SLC1A3: variants seen among roughly 807,000 people sequenced by gnomAD.
SLC1A3 encodes the protein solute carrier family 1 member 3.
A neutral mutation model predicts 48.1 loss-of-function variants in SLC1A3; 21 were observed. That is an observed-to-expected ratio of 0.44 (90% CI 0.31 to 0.63). The LOEUF (loss-of-function observed/expected upper bound fraction) is 0.63. Among genes scored for constraint, SLC1A3 ranks in the 20% least tolerant of loss-of-function variants. SLC1A3 has a pLI of 0.08. For synonymous variants in SLC1A3, 239 were observed against 251.4 expected (o/e 0.95, Z 0.47); for missense variants, 546 against 689.0 (o/e 0.79, Z 2.32).
At position 36,685,718 on chromosome 5, in the gene SLC1A3, T is replaced by C. The variant is rs77484645; in HGVS notation, c.1425-347T>C. Reference sequence around the variant, plus strand: ...CAGTGAGTTGTGACATCACACATCATGTAGTCTTTGCAAAACTCCACTATA... The same window carrying C: ...CAGTGAGTTGTGACATCACACATCACGTAGTCTTTGCAAAACTCCACTATA... On this transcript the variant is annotated intron_variant, in intron 9 of 9. Coordinates refer to ENST00000265113, the MANE Select transcript of SLC1A3 (RefSeq NM_004172.5). Among the ~76,000 whole-genome samples, 481 of 152,320 alleles carry C rather than the reference T, an allele frequency of 3.2e-3. 3 individuals are homozygous for C. The highest frequency in any genetic ancestry group is 0.011 in the African/African-American group (459 of 41,562).
intron 4 of SLC1A3, among the ~76,000 whole-genome samples, chr5:36,673,812 T>C (rs936536182): frequency 2.6e-5 from 4 of 152,156 alleles, no homozygotes; most frequent in African/African-American, 7.2e-5. Context: ...AAGAACCCCA[T>C]TGGCTGACAA....
At chr5:36,599,031 G>A (rs1323084674) in intron 1 of SLC1A3, among the ~76,000 whole-genome samples, 1 of 152,122 alleles carries the variant, frequency 6.6e-6, no homozygotes, top group Admixed American at 6.5e-5. Flanking sequence ...CATTTTGGGG[G>A]TACTAAGTTT....
upstream of SLC1A3, among the ~76,000 whole-genome samples, chr5:36,603,946 C>T (rs964415597): frequency 2.0e-5 from 3 of 152,110 alleles, no homozygotes; most frequent in Non-Finnish European, 4.4e-5. Flanking sequence ...CCAAAATTTC[C>T]TAATTTTGAA....
intron 5 of SLC1A3, among the ~76,000 whole-genome samples, chr5:36,676,659 T>G (rs928651063): frequency 2.0e-5 from 3 of 152,058 alleles, no homozygotes. Context: ...TGTGTGTGTG[T>G]GTGTGTGTGT....
chr5:36,641,541 C>T (rs565663480), intron 3 of SLC1A3, among the ~76,000 whole-genome samples: 1 of 152,140 alleles, frequency 6.6e-6, no homozygotes, highest in Non-Finnish European at 1.5e-5. Flanking sequence ...CTATTATCAG[C>T]ATACCTAAAC....
chr5:36,670,166 A>G (rs942198157), intron 3 of SLC1A3, among the ~76,000 whole-genome samples: 7 of 152,196 alleles, frequency 4.6e-5, no homozygotes, highest in Admixed American at 4.6e-4. Context: ...GTGTTCCATT[A>G]GCTACAGCCT....
chr5:36,606,579 G>A (rs1457091212), upstream of SLC1A3: 1 of 152,168 alleles, frequency 6.6e-6, no homozygotes, highest in Non-Finnish European at 1.5e-5. Flanking sequence ...CTTTTCTTAA[G>A]TTGCCCTGAT....
intron 3 of SLC1A3, among the ~76,000 whole-genome samples, chr5:36,659,223 CTGAG>C (rs1741408893): frequency 6.6e-6 from 1 of 152,142 alleles, no homozygotes; most frequent in Admixed American, 6.5e-5. Flanking sequence ...CTGTGTGATC[CTGAG>C]TGAGGGACTT....
At chr5:36,629,155 T>TA (rs1383502372) in intron 2 of SLC1A3, among the ~76,000 whole-genome samples, 16 of 152,340 alleles carry the variant, frequency 1.1e-4, no homozygotes, top group African/African-American at 3.6e-4. Context: ...AACTCTGTAT[T>TA]GAGCCAGGTC....
chr5:36,604,964 A>G (rs1738874634), upstream of SLC1A3, among the ~76,000 whole-genome samples: 7 of 150,900 alleles, frequency 4.6e-5, no homozygotes, highest in South Asian at 1.5e-3. Context: ...GACCTGGTAT[A>G]GTAAATAAAT....
intron 3 of SLC1A3, among the ~76,000 whole-genome samples, chr5:36,651,025 A>T (rs1338045657): frequency 1.3e-5 from 2 of 151,390 alleles, no homozygotes; most frequent in Non-Finnish European, 2.9e-5. Flanking sequence ...CTTCATTATT[A>T]TGAAGATGGT....
chr5:36,671,044 A>G lies in SLC1A3; in HGVS notation c.335A>G (p.Asp112Gly), dbSNP rs377113494. The G allele has an allele frequency of 1.2e-6, 2 of 1,613,984 alleles. No individual in the cohort carries two copies. The highest frequency in any genetic ancestry group is 8.5e-7 in the Non-Finnish European group (1 of 1,179,876). ...CCTCCACCAGGAATGGCGGCGCTAG[A>G]TAGTAAGGCATCAGGGAAGATGGGA... is the stretch of plus-strand genomic sequence containing the variant. ...SSLVTGMAALDSKASGKMGMR... is the reference protein window; with the variant it reads ...SSLVTGMAALGSKASGKMGMR... Residue 112 changes from aspartate to glycine, a missense_variant, in exon 4 of 10, where the codon GAT becomes GGT. Coordinates refer to ENST00000265113, the MANE Select transcript of SLC1A3 (RefSeq NM_004172.5).
At chr5:36,683,736 T>A in intron 8 of SLC1A3, 128 bp from the exon 9 acceptor site, 1 of 1,026,924 alleles carries the variant, frequency 9.7e-7, no homozygotes, top group Non-Finnish European at 1.5e-6. Context: ...ATTTACGTTT[T>A]TTCTGAAGCG....
At chr5:36,669,344 A>T (rs1741893158) in intron 3 of SLC1A3, 1 of 152,230 alleles carries the variant, frequency 6.6e-6, no homozygotes, top group African/African-American at 2.4e-5. Context: ...TGAAATGTTG[A>T]AGTGGTGCCA....
intron 1 of SLC1A3, among the ~76,000 whole-genome samples, chr5:36,600,817 T>C (rs4869675): frequency 2.0e-5 from 3 of 152,112 alleles, no homozygotes; most frequent in East Asian, 1.9e-4. Flanking sequence ...CTTGAATGTA[T>C]GTTTTAACGC....
chr5:36,663,839 G>C (rs987693018), intron 3 of SLC1A3, among the ~76,000 whole-genome samples: 1 of 152,206 alleles, frequency 6.6e-6, no homozygotes, highest in African/African-American at 2.4e-5. Flanking sequence ...ATCGTTCTCC[G>C]CTCTTCATGG....
intron 2 of SLC1A3, among the ~76,000 whole-genome samples, chr5:36,619,196 A>T (rs1214595687): frequency 6.6e-6 from 1 of 152,202 alleles, no homozygotes; most frequent in Non-Finnish European, 1.5e-5. Flanking sequence ...GTGGAAACAG[A>T]GGAGTGGGGG....
chr5:36,656,689 T>C (rs1322369280), intron 3 of SLC1A3, among the ~76,000 whole-genome samples: 1 of 152,232 alleles, frequency 6.6e-6, no homozygotes, highest in East Asian at 1.9e-4. Context: ...CAAAATTATG[T>C]CATTGATTTG....
chr5:36,647,065 G>A (rs1052565671), intron 3 of SLC1A3, among the ~76,000 whole-genome samples: 2 of 152,120 alleles, frequency 1.3e-5, no homozygotes, highest in African/African-American at 4.8e-5. Flanking sequence ...CCAAAGCCTT[G>A]GTGTCACTAG....
Sources: gnomAD v4.1 joint callset for allele counts (sites outside exome capture counted in the v4.1 genomes callset) on GRCh38, gnomAD v4.1.1 for gene constraint, MANE v1.5 for transcripts, NCBI Gene and HGNC (gene_info 2026-07-23, HGNC 2026-07-21) for gene names.